KLF8: variants seen among roughly 807,000 people sequenced by gnomAD.
KLF8 encodes the protein KLF transcription factor 8.
In KLF8, 10 loss-of-function variants were observed where a neutral mutation model predicts 18.2. The ratio of observed to expected loss-of-function variants is 0.55; its 90% CI spans 0.34 to 0.93. KLF8 has a LOEUF of 0.93. KLF8 is among the 40% of genes least tolerant of loss of function. The pLI is 0.02. For missense variants in KLF8, 264 were observed against 277.9 expected, an observed-to-expected ratio of 0.95 and a Z score of 0.36; for synonymous variants, 109 against 97.3, an observed-to-expected ratio of 1.12 and a Z score of -0.71.
chrX:56,184,007 C>T, the KLF8 span, among the ~76,000 whole-genome samples: 1 of 111,201 alleles, frequency 9.0e-6, no homozygotes, highest in Admixed American at 9.5e-5. Context: ...CTAGGGAGTG[C>T]CAGACAGTTG....
At chrX:56,158,135 A>G in the KLF8 span, among the ~76,000 whole-genome samples, 2 of 111,777 alleles carry the variant, frequency 1.8e-5, no homozygotes, top group Non-Finnish European at 3.8e-5. Flanking sequence ...AGCACCATTT[A>G]TTAAATAGGG....
At chrX:56,185,184 C>T in the KLF8 span, among the ~76,000 whole-genome samples, 10 of 111,917 alleles carry the variant, frequency 8.9e-5, no homozygotes, top group Admixed American at 1.9e-4. Flanking sequence ...GTTAAAGCAG[C>T]GGATGGAGCT....
chrX:55,923,832 G>C, the KLF8 span, among the ~76,000 whole-genome samples: 1 of 109,000 alleles, frequency 9.2e-6, no homozygotes, highest in Non-Finnish European at 1.9e-5. Flanking sequence ...TGTGCAAATG[G>C]GTTTGGATTC....
At chrX:56,192,482 G>T in the KLF8 span, among the ~76,000 whole-genome samples, 1 of 111,283 alleles carries the variant, frequency 9.0e-6, no homozygotes, top group Non-Finnish European at 1.9e-5. Flanking sequence ...AAATTTATAT[G>T]GTACCACAAA....
chrX:56,004,394 C>G, the KLF8 span, among the ~76,000 whole-genome samples: 1 of 112,057 alleles, frequency 8.9e-6, no homozygotes, highest in African/African-American at 3.2e-5. Context: ...GAACTACCCA[C>G]AAAGTTGTGA....
At chrX:56,189,035 T>A in the KLF8 span, among the ~76,000 whole-genome samples, 2 of 111,270 alleles carry the variant, frequency 1.8e-5, no homozygotes, top group African/African-American at 6.5e-5. Context: ...CTAATTAAAC[T>A]CAAGAGCTTC....
chrX:56,138,881 T>C, the KLF8 span, among the ~76,000 whole-genome samples: 899 of 110,634 alleles, frequency 8.1e-3, 12 homozygotes, highest in African/African-American at 0.028. Flanking sequence ...TCAAACCATC[T>C]CTTTTCATAG....
At chrX:55,979,549 A>G in the KLF8 span, among the ~76,000 whole-genome samples, 2 of 112,042 alleles carry the variant, frequency 1.8e-5, no homozygotes, top group Admixed American at 9.5e-5. Flanking sequence ...ACCTTGTACT[A>G]TCTTTATAGA....
the KLF8 span, among the ~76,000 whole-genome samples, chrX:56,124,823 A>T: frequency 7.1e-5 from 8 of 112,140 alleles, no homozygotes; most frequent in Non-Finnish European, 3.8e-5. Context: ...TCACATTCTC[A>T]TTCCCATTTC....
chrX:56,057,699 T>G, the KLF8 span, among the ~76,000 whole-genome samples: 29 of 111,372 alleles, frequency 2.6e-4, no homozygotes, highest in Non-Finnish European at 5.1e-4. Flanking sequence ...CAGCCCCATG[T>G]GGTGGACAAG....
At chrX:56,284,152 C>T (rs1457263847) in intron 5 of KLF8, among the ~76,000 whole-genome samples, 161 bp from the exon 6 acceptor site, 1 of 112,816 alleles carries the variant, frequency 8.9e-6, no homozygotes, top group Non-Finnish European at 1.9e-5. Flanking sequence ...CAGTGCTTCT[C>T]AATCAATTAA....
chrX:56,187,902 T>C, the KLF8 span, among the ~76,000 whole-genome samples: 2 of 111,610 alleles, frequency 1.8e-5, no homozygotes, highest in South Asian at 7.5e-4. Flanking sequence ...CTATGACAAA[T>C]CCACAGCCAG....
At chrX:56,222,526 A>C in the KLF8 span, among the ~76,000 whole-genome samples, 1 of 112,707 alleles carries the variant, frequency 8.9e-6, no homozygotes, top group Non-Finnish European at 1.9e-5. Flanking sequence ...TAGACTCAGG[A>C]GCCCAGCTGG....
At chrX:56,159,638 T>A in the KLF8 span, among the ~76,000 whole-genome samples, 1 of 112,552 alleles carries the variant, frequency 8.9e-6, no homozygotes, top group Non-Finnish European at 1.9e-5. Context: ...GTTGAGGAAT[T>A]TATCCATTTC....
chrX:56,080,686 G>T, the KLF8 span, among the ~76,000 whole-genome samples: 1 of 111,130 alleles, frequency 9.0e-6, no homozygotes, highest in African/African-American at 3.3e-5. Flanking sequence ...CTGAATCTGA[G>T]TGTTGGCCTG....
the KLF8 span, among the ~76,000 whole-genome samples, chrX:56,037,547 C>CT: frequency 1.8e-5 from 2 of 111,476 alleles, no homozygotes; most frequent in African/African-American, 3.2e-5. Flanking sequence ...GGTTCAGGAC[C>CT]TTCCTTTGTT....
the KLF8 span, among the ~76,000 whole-genome samples, chrX:55,996,118 C>T: frequency 2.8e-4 from 31 of 111,363 alleles, no homozygotes; most frequent in Non-Finnish European, 4.5e-4. Flanking sequence ...AGCCTGTCTT[C>T]GAGGGCTGGG....
chrX:56,224,099 C>A, the KLF8 span, among the ~76,000 whole-genome samples: 1 of 110,316 alleles, frequency 9.1e-6, no homozygotes, highest in African/African-American at 3.3e-5. Flanking sequence ...CAATGAGACA[C>A]CTTTGAGAAA....
rs1305023377 is a variant in KLF8 at position 56,285,226 on chromosome X, C to A, written c.*732C>A. ...CTTCAGGATTAAAGATTTTGCTGCA[C>A]AATTGTTATTTGTTAGGTTAAATTT... On this transcript the variant is annotated 3_prime_UTR_variant, in exon 6 of 6. Coordinates refer to ENST00000468660, the MANE Select transcript of KLF8 (RefSeq NM_007250.5). 9.0e-6 allele frequency: 1 copy of A among 111,539 alleles called. No homozygotes were observed. The highest frequency in any genetic ancestry group is 3.3e-5 in the African/African-American group (1 of 30,642). 9.2% of individuals were successfully genotyped at this position (111,539 alleles called of 1,213,427 possible).
Sources: allele counts gnomAD v4.1 joint callset (sites outside exome capture counted in the v4.1 genomes callset), GRCh38; gene constraint gnomAD v4.1.1; transcripts MANE v1.5; gene names NCBI Gene and HGNC (gene_info 2026-07-23, HGNC 2026-07-21).